Variants in EBF3 observed in about 807,000 individuals in gnomAD.
EBF3 encodes the protein EBF transcription factor 3, also known as transcription factor COE3.
EBF3 carries 18 observed loss-of-function variants against 77.1 expected under a neutral mutation model. The observed-to-expected ratio is 0.23, with a 90% CI of 0.16 to 0.35. The LOEUF (loss-of-function observed/expected upper bound fraction) is 0.35. Ranked by LOEUF, EBF3 falls within the 10% of genes least tolerant of loss-of-function variation. The pLI is 1.00. For missense variants in EBF3, 558 were observed against 860.0 expected (o/e 0.65, Z 4.39); for synonymous variants, 350 against 343.5 (o/e 1.02, Z -0.21).
rs1409635777 is a variant in EBF3, at chr10:129,861,943, G to A, written c.1039+5198C>T. Among the ~76,000 whole-genome samples, 4 of 152,194 alleles carry A rather than the reference G, an allele frequency of 2.6e-5. No individual in the cohort carries two copies. Among genetic ancestry groups the A allele is most frequent in the Non-Finnish European group, 4.4e-5 (3 of 68,034 alleles). On this transcript the variant is annotated intron_variant, in intron 10 of 16. Transcript: ENST00000440978. The surrounding 1 kb of genome is among the most constrained non-coding windows in gnomAD (Gnocchi z 4.3). ...GTGGTCGAAGGGCACAGTCGACTCCGCAGTGCTGACGGGACCGCCTCTCAA... is the reference window on the plus strand; with the variant it reads ...GTGGTCGAAGGGCACAGTCGACTCCACAGTGCTGACGGGACCGCCTCTCAA...
In EBF3 at chr10:129,848,368, G is replaced by A. The variant is rs746214367; in HGVS notation, c.1128+24C>T. On this transcript the variant is annotated intron_variant, in intron 11 of 16. Coordinates refer to ENST00000440978, the MANE Select transcript of EBF3 (RefSeq NM_001375380.1). The surrounding 1 kb of genome is among the most constrained non-coding windows in gnomAD (Gnocchi z 4.4). Reference sequence around the variant, plus strand: ...CCAGTGGCGGCCCCACCATGAGCGGGGTGCCACTTGCTCTTTTACTAACCT... The same window carrying A: ...CCAGTGGCGGCCCCACCATGAGCGGAGTGCCACTTGCTCTTTTACTAACCT... 1.6e-5 allele frequency: 26 copies of A among 1,612,212 alleles called. No homozygotes were observed. In the Admixed American group the frequency reaches 4.2e-4, roughly 26 times the overall value.
At chr10:129,932,295 C>T (rs569856171) in intron 6 of EBF3, among the ~76,000 whole-genome samples, 48 of 152,306 alleles carry the variant, frequency 3.2e-4, no homozygotes, top group African/African-American at 1.1e-3. Context: ...GCATTCATTC[C>T]TCAAGCTGCC....
intron 4 of EBF3, among the ~76,000 whole-genome samples, chr10:129,959,901 A>G (rs896063662): frequency 3.3e-5 from 5 of 152,078 alleles, no homozygotes; most frequent in Non-Finnish European, 7.4e-5. Context: ...TTATTTTGAA[A>G]CTGCTAACAG....
intron 6 of EBF3, among the ~76,000 whole-genome samples, chr10:129,913,524 G>A (rs927275881): frequency 4.6e-5 from 7 of 152,258 alleles, no homozygotes; most frequent in East Asian, 3.8e-4. Context: ...TGTATTTTCC[G>A]GGGAACGGCC....
Position 129,836,635 on chromosome 10 carries a change from A to AT in EBF3, c.*1307dup, listed in dbSNP as rs11324998. 1.6e-5 allele frequency: 2 copies of AT among 126,648 alleles called. No individual in the cohort carries two copies. Among genetic ancestry groups the AT allele is most frequent in the Non-Finnish European group, 1.9e-5 (1 of 52,754 alleles). The allele number at this position is 126,648 out of a possible 1,614,324, so 7.8% of individuals were successfully genotyped here. On this transcript the variant is annotated 3_prime_UTR_variant, in exon 17 of 17. Coordinates refer to ENST00000440978, the MANE Select transcript of EBF3 (RefSeq NM_001375380.1). ...GGATGGAAAGTCTAAACAATAGCATATTTTTTGAAGTACAAATGAAATGTA... is the reference window on the plus strand; with the variant it reads ...GGATGGAAAGTCTAAACAATAGCATATTTTTTTGAAGTACAAATGAAATGTA...
chr10:129,893,965 G>A (rs545901810), intron 6 of EBF3, among the ~76,000 whole-genome samples: 26 of 152,294 alleles, frequency 1.7e-4, no homozygotes, highest in Non-Finnish European at 2.9e-4. Context: ...AACAAAGCGC[G>A]TGCTTCTCCT....
chr10:129,944,266 T>C lies in EBF3; in HGVS notation c.554+12992A>G, dbSNP rs558595947. 5.3e-5 allele frequency among the ~76,000 whole-genome samples: 8 copies of C among 152,308 alleles called. No homozygotes were observed. Among genetic ancestry groups the C allele is most frequent in the African/African-American group, 1.9e-4 (8 of 41,574 alleles). ...GGGTGGGGTCATTTCTCCTTTCAGA[T>C]TGGTCAATGAGGGGAACACCAGAGT... On this transcript the variant is annotated intron_variant, in intron 6 of 16. Transcript: ENST00000440978. The surrounding 1 kb of genome is among the most constrained non-coding windows in gnomAD (Gnocchi z 5.1).
In EBF3 at chr10:129,861,317, C is replaced by T. The variant is rs1851617933; in HGVS notation, c.1039+5824G>A. On this transcript the variant is annotated intron_variant, in intron 10 of 16. Transcript: ENST00000440978. This position sits in a 1 kb window ranked among gnomAD's most constrained non-coding sequence, Gnocchi z 4.3. ...GGCTGAGGCACAGATGCACGCCACC[C>T]CACTTGGTACGAAAAAAAAAGTCAC... Among the ~76,000 whole-genome samples the T allele has an allele frequency of 6.6e-6, 1 of 151,206 alleles. No individual in the cohort carries two copies. Among genetic ancestry groups the T allele is most frequent in the Admixed American group, 6.6e-5 (1 of 15,260 alleles).
chr10:129,844,259 TGTC>T (rs1330196513), intron 11 of EBF3, among the ~76,000 whole-genome samples: 2 of 152,276 alleles, frequency 1.3e-5, no homozygotes, highest in East Asian at 3.9e-4. Context: ...TGTGGAGGTG[TGTC>T]TACATCTGGG....
chr10:129,953,954 T>C (rs1304756080), intron 6 of EBF3, among the ~76,000 whole-genome samples: 1 of 152,222 alleles, frequency 6.6e-6, no homozygotes, highest in Admixed American at 6.5e-5. Context: ...TATCTGTTCA[T>C]AGTTGGGATA....
At chr10:129,911,555 C>T (rs1210933225) in intron 6 of EBF3, among the ~76,000 whole-genome samples, 6 of 152,176 alleles carry the variant, frequency 3.9e-5, no homozygotes, top group Admixed American at 2.0e-4. Flanking sequence ...TCCAAAAGGC[C>T]GCCAAGAAAA....
chr10:129,898,820 G>A (rs968165553), intron 6 of EBF3, among the ~76,000 whole-genome samples: 14 of 152,156 alleles, frequency 9.2e-5, no homozygotes, highest in African/African-American at 3.1e-4. Flanking sequence ...ACAGCTCGCC[G>A]CTGCCCCTCC....
rs989112229 is a variant in EBF3 at position 129,841,803 on chromosome 10, G to A, written c.1372+313C>T. Among the ~76,000 whole-genome samples, 2 of 152,116 alleles carry A rather than the reference G, an allele frequency of 1.3e-5. No homozygotes were observed. Among genetic ancestry groups the A allele is most frequent in the Non-Finnish European group, 2.9e-5 (2 of 68,018 alleles). On this transcript the variant is annotated intron_variant, in intron 13 of 16. Coordinates refer to ENST00000440978, the MANE Select transcript of EBF3 (RefSeq NM_001375380.1). The surrounding 1 kb of genome is among the most constrained non-coding windows in gnomAD (Gnocchi z 4.6). ...TAGGCCATGGCTATCCTATGGCTTA[G>A]CCCAGACTTCCAAGGAAAGCAAAGT...
At chr10:129,900,397 T>G in intron 6 of EBF3, among the ~76,000 whole-genome samples, 1 of 145,468 alleles carries the variant, frequency 6.9e-6, no homozygotes, top group African/African-American at 2.6e-5. Context: ...GGATGGGGGG[T>G]AGGAGGGGGC....
chr10:129,915,293 C>T (rs1036404899), intron 6 of EBF3, among the ~76,000 whole-genome samples: 1 of 152,112 alleles, frequency 6.6e-6, no homozygotes, highest in African/African-American at 2.4e-5. Context: ...CGGAGCAGGA[C>T]CCCCCAAAGG....
At chr10:129,928,764 T>C (rs1378907610) in intron 6 of EBF3, among the ~76,000 whole-genome samples, 1 of 152,214 alleles carries the variant, frequency 6.6e-6, no homozygotes, top group African/African-American at 2.4e-5. Flanking sequence ...TTGCATGTTT[T>C]CTGTTCTGAG....
chr10:129,838,654 C>T (rs978121379), intron 16 of EBF3, among the ~76,000 whole-genome samples: 5 of 152,206 alleles, frequency 3.3e-5, no homozygotes, highest in Admixed American at 2.6e-4. Flanking sequence ...GTGGGGCTGA[C>T]GCTTTCACAT....
chr10:129,962,634 G>A (rs1859617184), intron 3 of EBF3, among the ~76,000 whole-genome samples: 1 of 151,526 alleles, frequency 6.6e-6, no homozygotes, highest in African/African-American at 2.4e-5. Context: ...GTTATGCTCC[G>A]TTTATGGAGT....
chr10:129,881,646 C>T (rs550104338), intron 6 of EBF3, among the ~76,000 whole-genome samples: 11 of 152,268 alleles, frequency 7.2e-5, no homozygotes, highest in African/African-American at 2.4e-4. Context: ...ATATGGGCAA[C>T]CTCATTCATT....
Sources: gnomAD v4.1 joint callset for allele counts (sites outside exome capture counted in the v4.1 genomes callset) on GRCh38, gnomAD v4.1.1 for gene constraint, Gnocchi (gnomAD v3.1) non-coding constraint, MANE v1.5 for transcripts, NCBI Gene and HGNC (gene_info 2026-07-23, HGNC 2026-07-21) for gene names.